TYW1: variants seen among roughly 807,000 people sequenced by gnomAD.
TYW1 encodes the protein S-adenosyl-L-methionine-dependent tRNA 4-demethylwyosine synthase TYW1.
TYW1 carries 46 observed loss-of-function variants against 96.2 expected under a neutral mutation model. The ratio of observed to expected loss-of-function variants is 0.48; its 90% confidence interval spans 0.38 to 0.61. The LOEUF is 0.61. Ranked by LOEUF, TYW1 falls within the 20% of genes least tolerant of loss-of-function variation. The pLI is 0.00. For missense variants in TYW1, 684 were observed against 909.6 expected (o/e 0.75, Z 3.19); for synonymous variants, 274 against 323.0 (o/e 0.85, Z 1.63).
intron 15 of TYW1, among the ~76,000 whole-genome samples, chr7:67,211,397 A>G (rs964194333): frequency 4.6e-5 from 7 of 151,414 alleles, no homozygotes; most frequent in Non-Finnish European, 1.0e-4. Context: ...TTTTTGACTT[A>G]TTATGGGTTT....
chr7:67,133,450 A>T (rs1017944142), intron 13 of TYW1, among the ~76,000 whole-genome samples: 1 of 152,094 alleles, frequency 6.6e-6, no homozygotes, highest in Non-Finnish European at 1.5e-5. Flanking sequence ...TGTAATCCCC[A>T]GCACTTTGGG....
At chr7:67,138,693 A>G in intron 13 of TYW1, among the ~76,000 whole-genome samples, 1 of 151,766 alleles carries the variant, frequency 6.6e-6, no homozygotes, top group East Asian at 1.9e-4. Flanking sequence ...AATTGTTTTG[A>G]TTTTTCGATC....
At chr7:67,040,712 G>T (rs1180603921) in intron 7 of TYW1, among the ~76,000 whole-genome samples, 2 of 152,002 alleles carry the variant, frequency 1.3e-5, no homozygotes, top group Non-Finnish European at 2.9e-5. Context: ...GGGGGTGATG[G>T]TGCGTGCCTA....
intron 9 of TYW1, 60 bp from the exon 10 acceptor site, chr7:67,067,225 G>C: frequency 6.5e-7 from 1 of 1,539,166 alleles, no homozygotes; most frequent in Non-Finnish European, 9.0e-7. Context: ...TGATGCCTTG[G>C]TGGTTTGTTT....
At chr7:67,183,458 T>G (rs1256895474) in intron 14 of TYW1, among the ~76,000 whole-genome samples, 3 of 152,166 alleles carry the variant, frequency 2.0e-5, no homozygotes, top group Non-Finnish European at 4.4e-5. Flanking sequence ...AAAGCTAGTA[T>G]TTTAGTGGGA....
chr7:67,216,468 C>T lies in TYW1; in HGVS notation c.1977+21131C>T, dbSNP rs548236842. The stretch of plus-strand genomic sequence containing the variant: ...TGTCTAGTTCAGCCGAGATCGGGTG[C>T]GTTCAGGGTGGTACCGCCATAGACG... On this transcript the variant is annotated intron_variant, in intron 15 of 15. Transcript: ENST00000359626. 2.8e-5 allele frequency among the ~76,000 whole-genome samples: 4 copies of T among 140,428 alleles called. No individual in the cohort carries two copies. The South Asian group carries it at 7.0e-4, about 25-fold the overall frequency. 92.1% of individuals were successfully genotyped at this position (140,428 alleles called of 152,430 possible).
chr7:67,209,383 A>T (rs1800921574), intron 15 of TYW1, among the ~76,000 whole-genome samples: 1 of 152,118 alleles, frequency 6.6e-6, no homozygotes, highest in Non-Finnish European at 1.5e-5. Flanking sequence ...TCTGGAAATT[A>T]ATTAGACCAT....
intron 10 of TYW1, among the ~76,000 whole-genome samples, chr7:67,076,898 C>T (rs1412080910): frequency 1.3e-5 from 2 of 151,858 alleles, no homozygotes; most frequent in Non-Finnish European, 2.9e-5. Flanking sequence ...CCTCAGCCTC[C>T]TGACTAACTG....
chr7:67,009,869 C>A, intron 4 of TYW1, 185 bp downstream of exon 4: 1 of 601,842 alleles, frequency 1.7e-6, no homozygotes, highest in Non-Finnish European at 2.8e-6. Flanking sequence ...CACTGATTCT[C>A]ACGTGGTGTG....
intron 12 of TYW1, among the ~76,000 whole-genome samples, chr7:67,102,054 A>G (rs559476875): frequency 6.6e-6 from 1 of 152,322 alleles, no homozygotes; most frequent in African/African-American, 2.4e-5. Context: ...TTGGGATAGA[A>G]TGGTGTTTGG....
chr7:67,098,170 A>G (rs1301113429), intron 11 of TYW1, among the ~76,000 whole-genome samples: 1 of 152,176 alleles, frequency 6.6e-6, no homozygotes, highest in Non-Finnish European at 1.5e-5. Context: ...TTGAGGAATG[A>G]TTGGTCTAGA....
chr7:67,212,328 A>AT lies in TYW1; in HGVS notation c.1977+17003dup, dbSNP rs34086794. ...GTGCATTTTCCTGGCTTGATAGCTC[A>AT]TTTTTTTTTTTTATTGGCAAATAAA... is the stretch of plus-strand genomic sequence containing the variant. On this transcript the variant is annotated intron_variant, in intron 15 of 15. Coordinates refer to ENST00000359626, the MANE Select transcript of TYW1 (RefSeq NM_018264.4). 5.6e-4 allele frequency among the ~76,000 whole-genome samples: 80 copies of AT among 142,160 alleles called. No individual in the cohort carries two copies. The Middle Eastern group carries it at 0.011, about 19-fold the overall frequency. 93.3% of individuals were successfully genotyped at this position (142,160 alleles called of 152,430 possible).
chr7:67,076,359 G>T (rs951188506), intron 10 of TYW1, among the ~76,000 whole-genome samples: 1 of 152,108 alleles, frequency 6.6e-6, no homozygotes, highest in African/African-American at 2.4e-5. Context: ...TTAAATTTAT[G>T]TTCAGTTGCT....
intron 11 of TYW1, among the ~76,000 whole-genome samples, chr7:67,096,040 A>T (rs1796900254): frequency 6.6e-6 from 1 of 152,192 alleles, no homozygotes; most frequent in Non-Finnish European, 1.5e-5. Flanking sequence ...ATTTAATCCC[A>T]ACAAAAATTC....
In TYW1 at chr7:67,009,497, T is replaced by TG. The variant is rs1485916734; in HGVS notation, c.274-85dup. ...CACTGAAAATATTTTTCATGAGGAA[T>TG]GCCACATTCTTGTGCCAACAGGGGT... On this transcript the variant is annotated intron_variant, in intron 3 of 15. Transcript: ENST00000359626. 2.6e-6 allele frequency: 3 copies of TG among 1,152,188 alleles called. No individual in the cohort carries two copies. The East Asian group carries it at 7.2e-5, about 28-fold the overall frequency. 71.4% of individuals were successfully genotyped at this position (1,152,188 alleles called of 1,614,324 possible).
intron 15 of TYW1, among the ~76,000 whole-genome samples, chr7:67,231,570 G>A (rs1478130261): frequency 6.6e-6 from 1 of 152,140 alleles, no homozygotes; most frequent in Non-Finnish European, 1.5e-5. Context: ...TAGAATTCTT[G>A]GCTGGAAACT....
In TYW1 at chr7:67,129,891, G is replaced by A. The variant is rs184883554; in HGVS notation, c.1698+12273G>A. The stretch of plus-strand genomic sequence containing the variant: ...AATCTCAACTCTTTAATCCAGTTGG[G>A]ATATAACTTAGCATTCATTTTTATG... On this transcript the variant is annotated intron_variant, in intron 13 of 15. Coordinates refer to ENST00000359626, the MANE Select transcript of TYW1 (RefSeq NM_018264.4). Among the ~76,000 whole-genome samples the A allele has an allele frequency of 3.9e-3, 601 of 152,202 alleles. 1 individual carries two copies. The highest frequency in any genetic ancestry group is 0.017 in the Middle Eastern group (5 of 294).
At chr7:67,092,410 A>G (rs1796751305) in intron 11 of TYW1, among the ~76,000 whole-genome samples, 1 of 151,982 alleles carries the variant, frequency 6.6e-6, no homozygotes. Flanking sequence ...TCTTCTCAAA[A>G]TCCTGCATTG....
At chr7:67,050,154 T>C in intron 8 of TYW1, 88 bp downstream of exon 8, 23 of 1,464,938 alleles carry the variant, frequency 1.6e-5, no homozygotes, top group Non-Finnish European at 2.2e-5. Flanking sequence ...TCTAATTAGC[T>C]CAGCAGCTGT....
Sources: allele counts gnomAD v4.1 joint callset (sites outside exome capture counted in the v4.1 genomes callset), GRCh38; gene constraint gnomAD v4.1.1; transcripts MANE v1.5; gene names NCBI Gene and HGNC (gene_info 2026-07-23, HGNC 2026-07-21).